Variants in ANO7 observed in about 807,000 individuals in gnomAD.
The protein encoded by ANO7 is anoctamin-7.
Under a neutral mutation model 115.8 loss-of-function variants are expected in ANO7, and 114 were observed. The observed-to-expected ratio is 0.98, with a 90% CI of 0.85 to 1.15. The LOEUF is 1.15. Among genes scored for constraint, ANO7 ranks in the 50% most tolerant of loss-of-function variants. ANO7 has a pLI of 0.00. For missense variants in ANO7, 1,302 were observed against 1,201.2 expected (o/e 1.08, Z -1.24); for synonymous variants, 550 against 498.2 (o/e 1.10, Z -1.38).
intron 1 of ANO7, among the ~76,000 whole-genome samples, chr2:241,189,574 G>A (rs1396027801): frequency 6.6e-6 from 1 of 152,130 alleles, no homozygotes; most frequent in African/African-American, 2.4e-5. Context: ...CCGCCTTGCT[G>A]GGGAGCTCAG....
At chr2:241,216,277 G>T in intron 19 of ANO7, 39 bp downstream of exon 19, 1 of 1,524,670 alleles carries the variant, frequency 6.6e-7, no homozygotes, top group Non-Finnish European at 8.8e-7. Context: ...GGCTGGCGCC[G>T]TGGGCAGGGA....
At chr2:241,228,377 C>T (rs2069334407), downstream of ANO7, 1 of 152,416 alleles carries the variant, frequency 6.6e-6, no homozygotes, top group African/African-American at 2.4e-5. Context: ...TCTGCTCTAC[C>T]TCATGCTCTA....
At chr2:241,235,011 G>A in the ANO7 span, 105 of 1,359,046 alleles carry the variant, frequency 7.7e-5, no homozygotes, top group Non-Finnish European at 9.6e-5. Context: ...CTCACCTCCA[G>A]CCAGATGTCG....
rs371479862 is a variant in ANO7 at position 241,190,147 on chromosome 2, C to G, written c.84C>G (p.Tyr28Ter). ...SPPEAEKRGS[Y>*]GSTAHASEPG... Reference sequence around the variant, plus strand: ...CTGAGGCAGAGAAGAGGGGCTCTTACGGGAGCACAGCCCACGCCTCGGAGG... The same window carrying G: ...CTGAGGCAGAGAAGAGGGGCTCTTAGGGGAGCACAGCCCACGCCTCGGAGG... The change falls in exon 2 of 25, where the codon TAC becomes TAG. Residue 28 changes from tyrosine (Y) to a stop codon, truncating the protein, a stop_gained. Transcript: ENST00000674324. LOFTEE classifies it high-confidence loss of function. 15 of 1,570,970 alleles carry G rather than the reference C, an allele frequency of 9.5e-6. No homozygotes were observed. Among genetic ancestry groups the G allele is most frequent in the African/African-American group, 1.4e-5 (1 of 74,072 alleles).
chr2:241,217,327 A>G (rs1677404349), intron 19 of ANO7, among the ~76,000 whole-genome samples: 1 of 152,246 alleles, frequency 6.6e-6, no homozygotes, highest in Admixed American at 6.5e-5. Flanking sequence ...AGCCCCTTCC[A>G]AAGAGCCCTC....
Position 241,212,160 on chromosome 2 carries a change from T to C in ANO7, c.1628T>C (p.Val543Ala). The C allele has an allele frequency of 6.2e-7, 1 of 1,614,156 alleles. No individual in the cohort carries two copies. The highest frequency in any genetic ancestry group is 8.5e-7 in the Non-Finnish European group (1 of 1,180,008). The change falls in exon 16 of 25, where the codon GTC (valine) becomes GCC (alanine). Residue 543 changes from valine (V) to alanine (A), a missense_variant. Physicochemically the swap from Val to Ala is moderately conservative, Grantham distance 64 (BLOSUM62 0). Transcript: ENST00000674324. The stretch of plus-strand genomic sequence containing the variant: ...CTCAAGGTGTTCATCTTCCAGTTCG[T>C]CAACTTCTACTCCTCACCCGTCTAC... Reference protein sequence around the residue: ...FTLKVFIFQFVNFYSSPVYIA... With the variant: ...FTLKVFIFQFANFYSSPVYIA...
At chr2:241,230,146 G>A (rs577551141), downstream of ANO7, 8 of 1,607,336 alleles carry the variant, frequency 5.0e-6, no homozygotes, top group African/African-American at 5.3e-5. This position sits in a 1 kb window ranked among gnomAD's most constrained non-coding sequence, Gnocchi z 5.0. Context: ...GGCCCACAGA[G>A]ACTCACGTAT....
chr2:241,194,871 A>G (rs116825249), intron 3 of ANO7, among the ~76,000 whole-genome samples: 2,171 of 152,272 alleles, frequency 0.014, 62 homozygotes, highest in African/African-American at 0.047. Context: ...TCTTGGATAG[A>G]TCCCCTGCAG....
the ANO7 span, chr2:241,235,467 G>A: frequency 1.9e-6 from 3 of 1,583,688 alleles, no homozygotes; most frequent in South Asian, 3.3e-5. Flanking sequence ...CCTGTGACAT[G>A]GCCTCCCGGG....
Position 241,202,278 on chromosome 2 carries a change from C to T in ANO7, c.697C>T (p.Leu233Phe), listed in dbSNP as rs2068490239. 3 of 1,613,398 alleles carry T rather than the reference C, an allele frequency of 1.9e-6. No individual in the cohort carries two copies. The highest frequency in any genetic ancestry group is 4.5e-5 in the East Asian group (2 of 44,870). ...GIHQLLAEGV[L>F]SAAFPLHDGP... ...CCACCAGCTGCTGGCAGAGGGTGTC[C>T]TCAGTGCCGCCTTCCCCCTGCATGA... The change falls in exon 8 of 25, where the codon CTC becomes TTC. Residue 233 changes from leucine (L) to phenylalanine (F), a missense_variant. Coordinates refer to ENST00000674324, the MANE Select transcript of ANO7 (RefSeq NM_001370694.2).
chr2:241,205,686 G>A (rs2068577290), intron 10 of ANO7, among the ~76,000 whole-genome samples: 1 of 101,856 alleles, frequency 9.8e-6, no homozygotes, highest in South Asian at 4.2e-4. Flanking sequence ...GTGCTCCAAG[G>A]CTGACACAGG....
intron 22 of ANO7, 96 bp from the exon 23 acceptor site, chr2:241,223,566 A>T (rs1158187513): frequency 2.0e-6 from 3 of 1,534,964 alleles, no homozygotes; most frequent in East Asian, 4.9e-5. Flanking sequence ...GACTCCACCC[A>T]CAGCTGGGAG....
At chr2:241,201,424 C>A in intron 7 of ANO7, 69 bp downstream of exon 7, 1 of 1,531,720 alleles carries the variant, frequency 6.5e-7, no homozygotes, top group Non-Finnish European at 8.9e-7. Flanking sequence ...CAGCCCCCAG[C>A]CTCCATGGAT....
At chr2:241,197,207 CT>C in intron 4 of ANO7, among the ~76,000 whole-genome samples, 1 of 152,218 alleles carries the variant, frequency 6.6e-6, no homozygotes, top group Non-Finnish European at 1.5e-5. Flanking sequence ...TCAAGAGATT[CT>C]TTTGCCTCAG....
intron 4 of ANO7, chr2:241,199,045 G>A (rs2068407211): frequency 2.2e-6 from 1 of 449,176 alleles, no homozygotes; most frequent in East Asian, 4.3e-5. Flanking sequence ...AGCCTTAGGG[G>A]AGGCTGCAGG....
rs1241408057 is a variant in ANO7, at chr2:241,188,897, C to T, written c.-8+131C>T. On this transcript the variant is annotated intron_variant, in intron 1 of 24. Coordinates refer to ENST00000674324, the MANE Select transcript of ANO7 (RefSeq NM_001370694.2). The surrounding 1 kb of genome is among the most constrained non-coding windows in gnomAD (Gnocchi z 4.3). ...CCTGTGGGGAGGCAGTGCCAGGGCCCGCCCTGGTCCCCAAAGCCCCTTGGG... is the reference window on the plus strand; with the variant it reads ...CCTGTGGGGAGGCAGTGCCAGGGCCTGCCCTGGTCCCCAAAGCCCCTTGGG... The T allele has an allele frequency of 1.1e-5, 14 of 1,235,204 alleles. No individual in the cohort carries two copies. Among genetic ancestry groups the T allele is most frequent in the East Asian group, 7.6e-5 (3 of 39,248 alleles). 76.5% of individuals were successfully genotyped at this position (1,235,204 alleles called of 1,614,324 possible).
chr2:241,207,763 C>G, intron 11 of ANO7, 93 bp downstream of exon 11: 1 of 1,166,460 alleles, frequency 8.6e-7, no homozygotes, highest in Admixed American at 1.7e-5. Flanking sequence ...CCTGCACCAG[C>G]CCCTGTCCTG....
the ANO7 span, chr2:241,239,636 G>A: frequency 3.1e-6 from 5 of 1,614,182 alleles, no homozygotes; most frequent in Non-Finnish European, 4.2e-6. This position sits in a 1 kb window ranked among gnomAD's most constrained non-coding sequence, Gnocchi z 4.6. Flanking sequence ...GCGTTTCTTG[G>A]CTGCCTCCAC....
At chr2:241,212,832 A>G (rs2068746075) in intron 17 of ANO7, 4 of 570,222 alleles carry the variant, frequency 7.0e-6, no homozygotes, top group South Asian at 6.0e-5. Flanking sequence ...CCCATTCAGA[A>G]CCACACCAAA....
Sources: allele counts gnomAD v4.1 joint callset (sites outside exome capture counted in the v4.1 genomes callset), GRCh38; gene constraint gnomAD v4.1.1; non-coding constraint Gnocchi (gnomAD v3.1); transcripts MANE v1.5; gene names NCBI Gene and HGNC (gene_info 2026-07-23, HGNC 2026-07-21).